The following NTMT1 variants were observed in gnomAD, a reference collection of about 807,000 sequenced individuals.
NTMT1 encodes the protein N-terminal RCC1 methyltransferase.
A neutral mutation model predicts 17.5 loss-of-function variants in NTMT1; 8 were observed. The ratio of observed to expected loss-of-function variants is 0.46; its 90% CI spans 0.27 to 0.82. NTMT1 has a LOEUF of 0.82. NTMT1 is among the 40% of genes least tolerant of loss of function. The pLI is 0.15. For missense variants in NTMT1, 221 were observed against 303.5 expected, an observed-to-expected ratio of 0.73 and a Z score of 2.02; for synonymous variants, 128 against 126.8, an observed-to-expected ratio of 1.01 and a Z score of -0.06.
chr9:129,612,418 G>C (rs1830137296), intron 1 of NTMT1: 1 of 1,612,632 alleles, frequency 6.2e-7, no homozygotes, highest in African/African-American at 1.4e-5. Context: ...CCTTGCTTCA[G>C]GACCGACTGC....
At chr9:129,629,305 A>G (rs1409601470) in intron 1 of NTMT1, among the ~76,000 whole-genome samples, 1 of 152,182 alleles carries the variant, frequency 6.6e-6, no homozygotes, top group Non-Finnish European at 1.5e-5. Context: ...GGTGACATTC[A>G]GATTGGTGGC....
At chr9:129,621,790 G>A (rs554040847), upstream of NTMT1, among the ~76,000 whole-genome samples, 1 of 152,076 alleles carries the variant, frequency 6.6e-6, no homozygotes, top group Non-Finnish European at 1.5e-5. Flanking sequence ...CCAGATTGTT[G>A]TCAGCTCTGA....
intron 1 of NTMT1, among the ~76,000 whole-genome samples, chr9:129,630,040 C>T (rs139377529): frequency 3.3e-3 from 497 of 152,356 alleles, no homozygotes; most frequent in Non-Finnish European, 5.6e-3. Context: ...AGAAGAACCC[C>T]GTTGCATCTG....
At position 129,632,840 on chromosome 9, in the gene NTMT1, G is replaced by T. The variant is rs755270471; in HGVS notation, c.137G>T (p.Arg46Leu). Residue 46 changes from arginine (R) to leucine (L), a missense_variant, in exon 2 of 4, where the codon CGG becomes CTG. Coordinates refer to ENST00000372483, the MANE Select transcript of NTMT1 (RefSeq NM_014064.4). ...TCCAGCATCGACATCAACAGCTCCC[G>T]GAAGTTTCTGCAGAGGTTTTTGAGG... ...HISSIDINSS[R>L]KFLQRFLREG... The T allele has an allele frequency of 1.2e-6, 2 of 1,614,032 alleles. No homozygotes were observed. Among genetic ancestry groups the T allele is most frequent in the Non-Finnish European group, 1.7e-6 (2 of 1,180,030 alleles).
intron 3 of NTMT1, chr9:129,634,995 TG>T: frequency 1.7e-6 from 1 of 592,058 alleles, no homozygotes; most frequent in Non-Finnish European, 2.9e-6. Flanking sequence ...TCTGGCTTAA[TG>T]TGTCTTTAGG....
chr9:129,634,493 G>C, intron 3 of NTMT1, 187 bp downstream of exon 3: 1 of 534,734 alleles, frequency 1.9e-6, no homozygotes. Context: ...CTAAAAGGTA[G>C]ATTTCTTCCT....
At chr9:129,618,532 G>A in intron 1 of NTMT1, among the ~76,000 whole-genome samples, 1 of 152,090 alleles carries the variant, frequency 6.6e-6, no homozygotes, top group East Asian at 1.9e-4. Context: ...TGATTATGTA[G>A]ATGGGTATGT....
chr9:129,635,658 C>A lies in NTMT1; in HGVS notation c.*194C>A. On this transcript the variant is annotated 3_prime_UTR_variant, in exon 4 of 4. Coordinates refer to ENST00000372483, the MANE Select transcript of NTMT1 (RefSeq NM_014064.4). ...ACCCGGCGGGGAGGGTGCTGCTGAACCAGCGGTGAGGCAGGAGCCCAGACC... is the reference window on the plus strand; with the variant it reads ...ACCCGGCGGGGAGGGTGCTGCTGAAACAGCGGTGAGGCAGGAGCCCAGACC... The A allele has an allele frequency of 1.5e-6, 1 of 681,398 alleles. No homozygotes were observed. The highest frequency in any genetic ancestry group is 1.9e-5 in the South Asian group (1 of 53,196). 42.2% of individuals were successfully genotyped at this position (681,398 alleles called of 1,614,324 possible).
At chr9:129,617,639 T>C (rs1319010648) in intron 1 of NTMT1, among the ~76,000 whole-genome samples, 8 of 152,210 alleles carry the variant, frequency 5.3e-5, no homozygotes, top group Admixed American at 2.6e-4. Context: ...TTTGGCCTGA[T>C]TGGTTGAACG....
At chr9:129,628,295 G>A (rs1830991173) in intron 1 of NTMT1, among the ~76,000 whole-genome samples, 1 of 152,210 alleles carries the variant, frequency 6.6e-6, no homozygotes, top group South Asian at 2.1e-4. Context: ...GTTTATTAAT[G>A]AATCAGCTGT....
At chr9:129,610,089 C>G (rs1275960590) in intron 1 of NTMT1, among the ~76,000 whole-genome samples, 1 of 148,266 alleles carries the variant, frequency 6.7e-6, no homozygotes, top group Non-Finnish European at 1.5e-5. Context: ...CTGAGGCTTC[C>G]GTCCTCCATC....
rs145444758 is a variant in NTMT1, at chr9:129,635,773, G to A, written c.*309G>A. The A allele has an allele frequency of 1.7e-5, 5 of 288,000 alleles. No homozygotes were observed. Among genetic ancestry groups the A allele is most frequent in the African/African-American group, 2.2e-5 (1 of 45,558 alleles). 17.8% of individuals were successfully genotyped at this position (288,000 alleles called of 1,614,324 possible). A position where few individuals can be genotyped will look rare whatever the true frequency, so the allele number is the denominator to read the frequency against. On this transcript the variant is annotated 3_prime_UTR_variant, in exon 4 of 4. Transcript: ENST00000372483. ...GAATAGGGTGGCCACATCAGTAACC[G>A]ATTCCCTGGGCCTCCAGCCCGGCCT...
At position 129,610,959 on chromosome 9, in the gene NTMT1, AG is replaced by A. The variant is rs560589255; in HGVS notation, c.-55+1782del. 1.7e-3 allele frequency among the ~76,000 whole-genome samples: 253 copies of A among 152,276 alleles called. 2 individuals carry two copies. Among genetic ancestry groups the A allele is most frequent in the African/African-American group, 5.8e-3 (243 of 41,556 alleles). ...GATGTGTCTCCACCCCCTTCCTTCC[AG>A]TTACCTCCAGAGTCCAGCAATCAGG... On this transcript the variant is annotated intron_variant, in intron 1 of 3. Coordinates refer to the NTMT1 transcript ENST00000372486.
Position 129,632,640 on chromosome 9 carries a change from C to T in NTMT1, c.-54-10C>T, listed in dbSNP as rs554196717. The T allele has an allele frequency of 1.2e-4, 197 of 1,595,054 alleles. 3 individuals are homozygous for T. In the South Asian group the frequency reaches 2.0e-3, roughly 16 times the overall value. ...CTGGCCCGCTGACTCACGCCCCCTT[C>T]CTTACCCAGGAGAGTCGCGGTTGCT... On this transcript the variant is annotated splice_polypyrimidine_tract_variant and intron_variant, in intron 1 of 3. Coordinates refer to ENST00000372483, the MANE Select transcript of NTMT1 (RefSeq NM_014064.4).
intron 1 of NTMT1, chr9:129,619,803 C>G (rs748098049): frequency 3.1e-6 from 5 of 1,614,124 alleles, no homozygotes; most frequent in Non-Finnish European, 8.5e-7. Context: ...CTCTAATACA[C>G]CCCTTTGATG....
intron 1 of NTMT1, chr9:129,619,773 C>G: frequency 6.2e-7 from 1 of 1,614,006 alleles, no homozygotes; most frequent in Non-Finnish European, 8.5e-7. Flanking sequence ...GTTGGGACAC[C>G]GCGGAGACCC....
chr9:129,629,257 C>G (rs545397631), intron 1 of NTMT1, among the ~76,000 whole-genome samples: 2 of 152,294 alleles, frequency 1.3e-5, no homozygotes, highest in African/African-American at 4.8e-5. Context: ...CTGGTCCTTA[C>G]GCCATCAGAC....
intron 1 of NTMT1, among the ~76,000 whole-genome samples, chr9:129,626,845 C>G (rs1830923762): frequency 6.6e-6 from 1 of 152,220 alleles, no homozygotes; most frequent in African/African-American, 2.4e-5. Flanking sequence ...GCTGCCATAT[C>G]GAAAAGCCCA....
In NTMT1 at chr9:129,620,515, GC is replaced by G; in HGVS notation, c.-55+11339del. 6.9e-7 allele frequency: 1 copy of G among 1,441,394 alleles called. No homozygotes were observed. Among genetic ancestry groups the G allele is most frequent in the South Asian group, 1.4e-5 (1 of 71,410 alleles). 89.3% of individuals were successfully genotyped at this position (1,441,394 alleles called of 1,614,324 possible). On this transcript the variant is annotated intron_variant, in intron 1 of 3. Coordinates refer to the NTMT1 transcript ENST00000372486. The surrounding 1 kb of genome is among the most constrained non-coding windows in gnomAD (Gnocchi z 5.8). The stretch of plus-strand genomic sequence containing the variant: ...CGCTGCTGCGTCGGAAGTCTCCGTC[GC>G]CAGGGAGCCCCTTGGGCGCCAGGTC...
Sources: gnomAD v4.1 joint callset for allele counts (sites outside exome capture counted in the v4.1 genomes callset) on GRCh38, gnomAD v4.1.1 for gene constraint, Gnocchi (gnomAD v3.1) non-coding constraint, MANE v1.5 for transcripts, NCBI Gene and HGNC (gene_info 2026-07-23, HGNC 2026-07-21) for gene names.